Variants in CCDC141 observed in about 807,000 individuals in gnomAD.
CCDC141 encodes coiled-coil domain-containing protein 141.
CCDC141 carries 168 observed loss-of-function variants against 181.0 expected under a neutral mutation model. The ratio of observed to expected loss-of-function variants is 0.93; its 90% CI spans 0.82 to 1.05. CCDC141 has a LOEUF of 1.05. CCDC141 is among the 50% of genes least tolerant of loss of function. The pLI is 0.00. For missense variants in CCDC141, 1,902 were observed against 1,788.5 expected, an observed-to-expected ratio of 1.06 and a Z score of -1.14; for synonymous variants, 666 against 642.3, an observed-to-expected ratio of 1.04 and a Z score of -0.56.
intron 6 of CCDC141, among the ~76,000 whole-genome samples, chr2:178,928,780 TC>T (rs1688997707): frequency 1.3e-5 from 2 of 152,188 alleles, no homozygotes; most frequent in African/African-American, 4.8e-5. Flanking sequence ...CTTTCTAAAT[TC>T]AGCTTTCCCT....
At chr2:178,851,396 T>A (rs1223288880) in intron 20 of CCDC141, among the ~76,000 whole-genome samples, 2 of 152,022 alleles carry the variant, frequency 1.3e-5, no homozygotes, top group Non-Finnish European at 2.9e-5. Flanking sequence ...TACGTCAGAA[T>A]GTAACTGTAT....
chr2:178,984,649 AG>A (rs1691621127), intron 2 of CCDC141, among the ~76,000 whole-genome samples: 1 of 148,094 alleles, frequency 6.8e-6, no homozygotes, highest in African/African-American at 2.5e-5. Context: ...AAACAAAAAA[AG>A]GCAGAGGTTG....
rs1686803725 is a variant in CCDC141, at chr2:178,884,841, G to A, written c.1719+60C>T. ...CCAAGGCAGAGCATATATCCCCACA[G>A]AAAGCAAGGACATGGGCAGTGGCCA... On this transcript the variant is annotated intron_variant, in intron 11 of 23. Transcript: ENST00000443758. 5 of 1,381,998 alleles carry A rather than the reference G, an allele frequency of 3.6e-6. 1 individual carries two copies. The South Asian group carries it at 5.3e-5, about 15-fold the overall frequency. 85.6% of individuals were successfully genotyped at this position (1,381,998 alleles called of 1,614,324 possible).
the CCDC141 span, among the ~76,000 whole-genome samples, chr2:178,821,076 A>G: frequency 2.0e-5 from 3 of 149,712 alleles, no homozygotes; most frequent in African/African-American, 7.5e-5. Flanking sequence ...CTTTTTTCTA[A>G]CATAGGAATA....
Position 178,928,161 on chromosome 2 carries a change from C to T in CCDC141, c.898-9254G>A, listed in dbSNP as rs554018412. ...TTTACTCACAACAGTCCTGGTGGTC[C>T]ACGCTGAGTAGCACAAGGACAGAGG... On this transcript the variant is annotated intron_variant, in intron 6 of 23. Transcript: ENST00000443758. 4.6e-5 allele frequency among the ~76,000 whole-genome samples: 7 copies of T among 152,190 alleles called. No homozygotes were observed. In the South Asian group the frequency reaches 6.2e-4, roughly 14 times the overall value.
chr2:179,002,457 A>C (rs762345449), intron 2 of CCDC141: 21 of 400,870 alleles, frequency 5.2e-5, no homozygotes, highest in Non-Finnish European at 8.5e-5. Flanking sequence ...CTTGGGGCCC[A>C]AAAGAGCTAG....
Position 178,886,846 on chromosome 2 carries a change from C to G in CCDC141, c.1433G>C (p.Ser478Thr), listed in dbSNP as rs1216150968. 2 of 1,431,584 alleles carry G rather than the reference C, an allele frequency of 1.4e-6. No homozygotes were observed. The highest frequency in any genetic ancestry group is 1.5e-5 in the African/African-American group (1 of 67,114). The allele number at this position is 1,431,584 out of a possible 1,614,324, so 88.7% of individuals were successfully genotyped here. A position where few individuals can be genotyped will look rare whatever the true frequency, so the allele number is the denominator to read the frequency against. The change falls in exon 10 of 24, where the codon AGT becomes ACT. Residue 478 changes from serine (S) to threonine (T), a missense_variant. Physicochemically the swap from Ser to Thr is moderately conservative, Grantham distance 58 (BLOSUM62 1). Coordinates refer to ENST00000443758, the MANE Select transcript of CCDC141 (RefSeq NM_173648.4). ...ATCCATTGCATTAGAAAGTACTGGA[C>G]TGATTTTCTGAATTGACATTTCCAC... ...RKVEMSIQKISPVLSNAMDVG... is the reference protein window; with the variant it reads ...RKVEMSIQKITPVLSNAMDVG...
chr2:178,965,914 G>T (rs1559012950), intron 4 of CCDC141, among the ~76,000 whole-genome samples: 1 of 152,096 alleles, frequency 6.6e-6, no homozygotes. Flanking sequence ...AGATCGACCC[G>T]GTACGTTCCA....
At chr2:178,999,536 G>A (rs1261637436) in intron 2 of CCDC141, among the ~76,000 whole-genome samples, 4 of 152,150 alleles carry the variant, frequency 2.6e-5, no homozygotes, top group Non-Finnish European at 4.4e-5. Context: ...AGCAACTCAC[G>A]AATCTTTCCA....
Position 178,980,483 on chromosome 2 carries a change from C to T in CCDC141, c.226-1808G>A, listed in dbSNP as rs1008088490. 9.9e-5 allele frequency among the ~76,000 whole-genome samples: 15 copies of T among 152,186 alleles called. 4 individuals are homozygous for T. In the South Asian group the frequency reaches 3.1e-3, roughly 32 times the overall value. ...AAAAAAAAATGCAAGCAAAAACTGT[C>T]CTAATTTTGTTAGAACTCTGGAAAG... is the stretch of plus-strand genomic sequence containing the variant. On this transcript the variant is annotated intron_variant, in intron 2 of 23. Transcript: ENST00000443758.
At chr2:178,965,705 G>T (rs924903523) in intron 4 of CCDC141, among the ~76,000 whole-genome samples, 1 of 152,140 alleles carries the variant, frequency 6.6e-6, no homozygotes, top group East Asian at 1.9e-4. Context: ...GGCAGACACC[G>T]AACTAGCTGC....
At position 178,868,189 on chromosome 2, in the gene CCDC141, T is replaced by C. The variant is rs148275217; in HGVS notation, c.2411A>G (p.Lys804Arg). 3.8e-5 allele frequency: 61 copies of C among 1,609,868 alleles called. No homozygotes were observed. The highest frequency in any genetic ancestry group is 4.6e-5 in the Non-Finnish European group (54 of 1,176,520). ...CTCTACAAACTCCAGCTCTCTTGAT[T>C]TGATGAGACGTCCCAGCTACAATTT... ...QVKEELGRLI[K>R]SRELEFVEQP... The change falls in exon 16 of 24, where the codon AAA becomes AGA. Residue 804 changes from lysine to arginine, a missense_variant. Transcript: ENST00000443758.
At chr2:178,923,074 T>C (rs1049590933) in intron 6 of CCDC141, among the ~76,000 whole-genome samples, 9 of 151,876 alleles carry the variant, frequency 5.9e-5, no homozygotes, top group South Asian at 2.1e-4. Flanking sequence ...CCATTTTTCA[T>C]AGGGGACACT....
chr2:178,908,491 C>T (rs578101200), intron 7 of CCDC141, among the ~76,000 whole-genome samples: 6 of 152,190 alleles, frequency 3.9e-5, no homozygotes, highest in East Asian at 1.9e-4. Flanking sequence ...CGCGCCCAGC[C>T]GAGGGTTAGT....
At chr2:179,008,480 C>T (rs997649869) in intron 2 of CCDC141, among the ~76,000 whole-genome samples, 9 of 152,194 alleles carry the variant, frequency 5.9e-5, no homozygotes, top group Admixed American at 2.6e-4. Flanking sequence ...CCCTCTACAA[C>T]TTGATGTGCT....
intron 2 of CCDC141, among the ~76,000 whole-genome samples, chr2:179,024,621 CAAG>C (rs139079457): frequency 0.069 from 10,453 of 152,192 alleles, 1,203 homozygotes; most frequent in African/African-American, 0.24. Context: ...GCAAGCTCTC[CAAG>C]AAGGTTTCAG....
At chr2:178,961,515 T>C in intron 4 of CCDC141, 32 bp from the exon 5 acceptor site, 1 of 1,486,936 alleles carries the variant, frequency 6.7e-7, no homozygotes, top group Non-Finnish European at 9.1e-7. Context: ...AAAAGAATAA[T>C]GATATTAGCA....
chr2:178,991,072 T>C (rs1692031406), intron 2 of CCDC141, among the ~76,000 whole-genome samples: 1 of 152,218 alleles, frequency 6.6e-6, no homozygotes, highest in African/African-American at 2.4e-5. Flanking sequence ...TATTGGCTAC[T>C]GAAACAACCT....
intron 21 of CCDC141, among the ~76,000 whole-genome samples, chr2:178,848,597 A>G (rs1235479412): frequency 6.6e-6 from 1 of 152,244 alleles, no homozygotes; most frequent in Admixed American, 6.5e-5. Context: ...CCATCAAGGT[A>G]AAAGCTGGAA....
Sources: gnomAD v4.1 joint callset for allele counts (sites outside exome capture counted in the v4.1 genomes callset) on GRCh38, gnomAD v4.1.1 for gene constraint, MANE v1.5 for transcripts, NCBI Gene and HGNC (gene_info 2026-07-23, HGNC 2026-07-21) for gene names.